SNX10: variants seen among roughly 807,000 people sequenced by gnomAD.
SNX10 encodes the protein sorting nexin-10.
A neutral mutation model predicts 28.5 loss-of-function variants in SNX10; 25 were observed. The observed-to-expected ratio is 0.88, with a 90% CI of 0.64 to 1.22. The LOEUF is 1.22. Among genes scored for constraint, SNX10 ranks in the 50% most tolerant of loss-of-function variants. SNX10 has a pLI of 0.00. For synonymous variants in SNX10, 62 were observed against 81.4 expected, an observed-to-expected ratio of 0.76 and a Z score of 1.28; for missense variants, 223 against 242.6, an observed-to-expected ratio of 0.92 and a Z score of 0.54.
intron 1 of SNX10, among the ~76,000 whole-genome samples, chr7:26,308,746 AGTGAGTCAGAAGCACAG>A (rs1247790715): frequency 2.0e-5 from 3 of 152,298 alleles, no homozygotes; most frequent in African/African-American, 7.2e-5. Context: ...GTTTATAGCC[AGTGAGTCAGAAGCACAG>A]GCGAAACAGC....
intron 1 of SNX10, among the ~76,000 whole-genome samples, chr7:26,343,601 G>A (rs1342176026): frequency 6.6e-6 from 1 of 152,208 alleles, no homozygotes; most frequent in Non-Finnish European, 1.5e-5. Flanking sequence ...GAGAGCCCGG[G>A]AAGTGATTTC....
At chr7:26,331,914 AT>A (rs1416170375) in intron 1 of SNX10, among the ~76,000 whole-genome samples, 3 of 152,212 alleles carry the variant, frequency 2.0e-5, no homozygotes, top group African/African-American at 7.2e-5. Flanking sequence ...TTCAGGGTTT[AT>A]CCAAGTTGTA....
In SNX10 at chr7:26,350,251, A is replaced by C. The variant is rs73683293; in HGVS notation, c.24+3785A>C. Among the ~76,000 whole-genome samples the C allele has an allele frequency of 4.6e-3, 699 of 152,302 alleles. 4 individuals are homozygous for C. The highest frequency in any genetic ancestry group is 0.016 in the African/African-American group (669 of 41,570). ...ACACCTTAGCGATGATATATCCATC[A>C]CTTCTTTGGCAGGGAATATCCTGAG... On this transcript the variant is annotated intron_variant, in intron 2 of 6. Transcript: ENST00000338523.
chr7:26,312,830 C>T (rs546849551), intron 1 of SNX10, among the ~76,000 whole-genome samples: 1 of 152,124 alleles, frequency 6.6e-6, no homozygotes, highest in Admixed American at 6.5e-5. Flanking sequence ...AATGCTTGCT[C>T]TTATGCATAA....
intron 1 of SNX10, among the ~76,000 whole-genome samples, chr7:26,325,949 A>G (rs948931760): frequency 6.6e-6 from 1 of 152,168 alleles, no homozygotes; most frequent in Non-Finnish European, 1.5e-5. Flanking sequence ...GCTGGTCTCG[A>G]ACTCCTGACC....
chr7:26,356,129 A>G, intron 2 of SNX10, among the ~76,000 whole-genome samples: 1 of 152,224 alleles, frequency 6.6e-6, no homozygotes, highest in Non-Finnish European at 1.5e-5. Context: ...GGGGAAAAAC[A>G]GGGAACATTG....
chr7:26,292,796 G>T (rs1444078186), intron 1 of SNX10, among the ~76,000 whole-genome samples: 2 of 152,216 alleles, frequency 1.3e-5, no homozygotes, highest in African/African-American at 4.8e-5. Flanking sequence ...GCTTGCACAT[G>T]ATCTCCATCA....
At chr7:26,332,091 T>C (rs1329720953) in intron 1 of SNX10, among the ~76,000 whole-genome samples, 1 of 152,232 alleles carries the variant, frequency 6.6e-6, no homozygotes, top group East Asian at 1.9e-4. Context: ...TTCTCTTGGA[T>C]ATATATACCC....
intron 1 of SNX10, among the ~76,000 whole-genome samples, chr7:26,339,381 C>T (rs77516316): frequency 0.048 from 7,219 of 151,908 alleles, 471 homozygotes; most frequent in African/African-American, 0.15. Context: ...GGCATGTGCC[C>T]GGTCTTGCAT....
chr7:26,334,832 T>A (rs1001436203), intron 1 of SNX10, among the ~76,000 whole-genome samples: 2 of 152,252 alleles, frequency 1.3e-5, no homozygotes, highest in Admixed American at 1.3e-4. Flanking sequence ...AGAGTTCTGC[T>A]GTTTTTCCAT....
At chr7:26,343,906 T>G (rs1410759102) in intron 1 of SNX10, among the ~76,000 whole-genome samples, 1 of 152,148 alleles carries the variant, frequency 6.6e-6, no homozygotes, top group African/African-American at 2.4e-5. Context: ...GGAAGTGCCA[T>G]TTTCTCAGTA....
intron 2 of SNX10, among the ~76,000 whole-genome samples, chr7:26,349,557 G>A (rs545890679): frequency 6.6e-6 from 1 of 152,220 alleles, no homozygotes; most frequent in East Asian, 1.9e-4. Flanking sequence ...CCTTGGCATT[G>A]GGCCATTGTG....
intron 1 of SNX10, among the ~76,000 whole-genome samples, chr7:26,337,352 A>C (rs191000458): frequency 4.6e-5 from 7 of 152,346 alleles, no homozygotes; most frequent in Admixed American, 3.9e-4. Context: ...ACACTTCAGT[A>C]GCGTTAAGTG....
At chr7:26,325,370 G>A (rs1411499868) in intron 1 of SNX10, among the ~76,000 whole-genome samples, 2 of 127,158 alleles carry the variant, frequency 1.6e-5, no homozygotes, top group African/African-American at 5.5e-5. Context: ...CAGAAGTGCA[G>A]TGGCACGATC....
At chr7:26,344,825 C>T (rs945940476) in intron 1 of SNX10, among the ~76,000 whole-genome samples, 13 of 152,166 alleles carry the variant, frequency 8.5e-5, no homozygotes, top group African/African-American at 2.4e-4. Context: ...CTTATAGCTG[C>T]GGCAATAAGT....
At chr7:26,343,599 G>A (rs553028909) in intron 1 of SNX10, among the ~76,000 whole-genome samples, 18 of 152,214 alleles carry the variant, frequency 1.2e-4, no homozygotes, top group African/African-American at 3.1e-4. Context: ...CAGAGAGCCC[G>A]GGAAGTGATT....
At chr7:26,341,805 C>G (rs2128009727) in intron 1 of SNX10, among the ~76,000 whole-genome samples, 1 of 152,024 alleles carries the variant, frequency 6.6e-6, no homozygotes, top group South Asian at 2.1e-4. Flanking sequence ...ATTATTATGA[C>G]AGACACATAA....
At chr7:26,342,141 C>G (rs1037865864) in intron 1 of SNX10, among the ~76,000 whole-genome samples, 1 of 151,536 alleles carries the variant, frequency 6.6e-6, no homozygotes, top group African/African-American at 2.4e-5. Context: ...ATTCTCCTGC[C>G]TCAGCCTCCC....
intron 1 of SNX10, among the ~76,000 whole-genome samples, chr7:26,345,432 A>C (rs1434653683): frequency 6.6e-6 from 1 of 152,066 alleles, no homozygotes; most frequent in Non-Finnish European, 1.5e-5. Flanking sequence ...TGACTGCTCC[A>C]GGGGAGAGGG....
Sources: allele counts gnomAD v4.1 joint callset (sites outside exome capture counted in the v4.1 genomes callset), GRCh38; gene constraint gnomAD v4.1.1; transcripts MANE v1.5; gene names NCBI Gene and HGNC (gene_info 2026-07-23, HGNC 2026-07-21).